The following NDUFAF6 variants were observed in gnomAD, a reference collection of about 807,000 sequenced individuals.
NDUFAF6 encodes NADH dehydrogenase (ubiquinone) complex I, assembly factor 6.
Under a neutral mutation model 40.8 loss-of-function variants are expected in NDUFAF6, and 45 were observed. The ratio of observed to expected loss-of-function variants is 1.10; its 90% CI spans 0.87 to 1.42. NDUFAF6 has a LOEUF of 1.42. Among genes scored for constraint, NDUFAF6 ranks in the 40% most tolerant of loss-of-function variants. The pLI, the probability that NDUFAF6 is intolerant of heterozygous loss-of-function variation, is 0.00. For synonymous variants in NDUFAF6, 185 were observed against 155.9 expected (o/e 1.19, Z -1.39); for missense variants, 435 against 418.5 (o/e 1.04, Z -0.34).
chr8:95,104,925 G>C (rs186602167), downstream of NDUFAF6, among the ~76,000 whole-genome samples: 26 of 152,190 alleles, frequency 1.7e-4, no homozygotes, highest in East Asian at 3.9e-3. Context: ...ACAGGATCAG[G>C]AAACAAAAGG....
chr8:95,098,728 T>C (rs1481772755), upstream of NDUFAF6, among the ~76,000 whole-genome samples: 1 of 152,036 alleles, frequency 6.6e-6, no homozygotes, highest in African/African-American at 2.4e-5. Flanking sequence ...GCAAAAGTAC[T>C]GGATCTAATT....
intron 1 of NDUFAF6, among the ~76,000 whole-genome samples, chr8:94,941,981 G>A (rs1054389780): frequency 1.3e-5 from 2 of 151,678 alleles, no homozygotes; most frequent in East Asian, 3.9e-4. Flanking sequence ...CCCTTTCTCA[G>A]GAAGCAGCAG....
At chr8:95,048,200 CA>C (rs1286740321) in intron 6 of NDUFAF6, among the ~76,000 whole-genome samples, 1 of 151,916 alleles carries the variant, frequency 6.6e-6, no homozygotes, top group Non-Finnish European at 1.5e-5. Context: ...TCTCAAAAAA[CA>C]AAAAATCTTG....
At chr8:94,909,348 CAAAAAAAAAAAAA>C (rs556065794) in intron 1 of NDUFAF6, among the ~76,000 whole-genome samples, 17 of 91,912 alleles carry the variant, frequency 1.8e-4, no homozygotes, top group African/African-American at 7.6e-4. Context: ...GACTCCGTCT[CAAAAAAAAAAAAA>C]AAAAAAAAAA....
At chr8:95,073,570 A>G (rs1429535216) in intron 9 of NDUFAF6, among the ~76,000 whole-genome samples, 1 of 151,786 alleles carries the variant, frequency 6.6e-6, no homozygotes, top group African/African-American at 2.4e-5. Context: ...TGCCCCTTAA[A>G]CGTCCCCCTT....
At chr8:95,033,529 A>G (rs1829110259) in intron 2 of NDUFAF6, among the ~76,000 whole-genome samples, 1 of 152,230 alleles carries the variant, frequency 6.6e-6, no homozygotes, top group Non-Finnish European at 1.5e-5. Flanking sequence ...TACCCACGTG[A>G]CATAAAACAG....
chr8:94,972,958 T>G (rs1380309526), intron 1 of NDUFAF6, among the ~76,000 whole-genome samples: 3 of 152,138 alleles, frequency 2.0e-5, no homozygotes, highest in African/African-American at 7.2e-5. Flanking sequence ...ACATCTGTAA[T>G]CTCAGCACTT....
intron 1 of NDUFAF6, among the ~76,000 whole-genome samples, chr8:94,959,078 AGG>A (rs1379715129): frequency 2.6e-5 from 1 of 38,576 alleles, no homozygotes; most frequent in Non-Finnish European, 6.2e-5. Flanking sequence ...TGCGGGAAAG[AGG>A]GGGTGATTGC....
At position 94,942,239 on chromosome 8, in the gene NDUFAF6, A is replaced by G. The variant is rs181292924; in HGVS notation, c.-935-3244A>G. ...TTTTATTTAGTGGAGACAGGGTTTC[A>G]CCATGTTAGCCAGGATGGTCTCGAT... On this transcript the variant is annotated intron_variant, in intron 1 of 14. Coordinates refer to the NDUFAF6 transcript ENST00000396113. Among the ~76,000 whole-genome samples the G allele has an allele frequency of 9.4e-4, 143 of 151,696 alleles. 3 individuals carry two copies. Among genetic ancestry groups the G allele is most frequent in the Admixed American group, 1.2e-3 (19 of 15,232 alleles).
At chr8:94,995,287 A>G (rs1826374769) in intron 2 of NDUFAF6, among the ~76,000 whole-genome samples, 1 of 149,218 alleles carries the variant, frequency 6.7e-6, no homozygotes, top group African/African-American at 2.6e-5. Context: ...AACAGAAAGT[A>G]GAGAGGTAGT....
At chr8:95,064,038 A>ATTTTTTTTTTTTT (rs1160777112) in intron 9 of NDUFAF6, among the ~76,000 whole-genome samples, 75 of 104,804 alleles carry the variant, frequency 7.2e-4, no homozygotes, top group Non-Finnish European at 1.1e-3. Context: ...CGCCTGGCTA[A>ATTTTTTTTTTTTT]TTTTTTTTTT....
intron 2 of NDUFAF6, among the ~76,000 whole-genome samples, chr8:94,982,436 C>T (rs116694587): frequency 0.01 from 1,537 of 152,302 alleles, 26 homozygotes; most frequent in African/African-American, 0.035. Context: ...GATATTTGAA[C>T]AATGACAAAA....
chr8:94,976,226 C>T (rs1563763010), intron 1 of NDUFAF6, among the ~76,000 whole-genome samples: 1 of 560 alleles, frequency 1.8e-3, no homozygotes. Flanking sequence ...ATGTTTGGGC[C>T]GGGTGGTGGT....
intron 1 of NDUFAF6, among the ~76,000 whole-genome samples, chr8:94,972,735 T>TAAAAAA (rs558408157): frequency 0.18 from 24,538 of 132,704 alleles, 2,739 homozygotes; most frequent in Middle Eastern, 0.23. Context: ...TACTGAAACT[T>TAAAAAA]AAAAAAAAAA....
chr8:94,978,638 T>C (rs566900035), intron 1 of NDUFAF6, among the ~76,000 whole-genome samples: 1 of 151,782 alleles, frequency 6.6e-6, no homozygotes, highest in Non-Finnish European at 1.5e-5. Flanking sequence ...CGCTTGAGCC[T>C]GGGAGGTCGA....
In NDUFAF6 at chr8:95,102,594, T is replaced by G. The variant is rs140173873; in HGVS notation, n.231-382T>G. 7.0e-4 allele frequency among the ~76,000 whole-genome samples: 106 copies of G among 152,304 alleles called. 2 individuals are homozygous for G. The highest frequency in any genetic ancestry group is 1.3e-3 in the Admixed American group (20 of 15,292). ...TAGAAATCTATTCCCTGGAACTTGC[T>G]GGAAATTCATCTCTAGGATGCTCAG... On this transcript the variant is annotated intron_variant and non_coding_transcript_variant, in intron 2 of 2. Coordinates refer to the NDUFAF6 transcript ENST00000521063.
At chr8:94,956,010 A>C (rs1025565848), upstream of NDUFAF6, among the ~76,000 whole-genome samples, 3 of 152,220 alleles carry the variant, frequency 2.0e-5, no homozygotes, top group Non-Finnish European at 4.4e-5. Flanking sequence ...TTAAAGTGAG[A>C]AGCAGCTGAA....
intron 1 of NDUFAF6, among the ~76,000 whole-genome samples, chr8:94,943,259 C>T (rs2131379092): frequency 6.6e-6 from 1 of 152,202 alleles, no homozygotes; most frequent in Non-Finnish European, 1.5e-5. Context: ...GAGGCTGAGG[C>T]CACAGGAATG....
chr8:94,933,813 G>A (rs148202541), intron 1 of NDUFAF6, among the ~76,000 whole-genome samples: 2,270 of 120,476 alleles, frequency 0.019, 28 homozygotes, highest in African/African-American at 0.027. Flanking sequence ...GGTGGCTCAT[G>A]CCTGTAATCC....
Sources: gnomAD v4.1 joint callset for allele counts (sites outside exome capture counted in the v4.1 genomes callset) on GRCh38, gnomAD v4.1.1 for gene constraint, MANE v1.5 for transcripts, NCBI Gene and HGNC (gene_info 2026-07-23, HGNC 2026-07-21) for gene names.